SHANK1: variants seen among roughly 807,000 people sequenced by gnomAD.
SHANK1 encodes SH3 and multiple ankyrin repeat domains 1.
A neutral mutation model predicts 165.6 loss-of-function variants in SHANK1; 35 were observed. That is an observed-to-expected ratio of 0.21 (90% CI 0.16 to 0.28). The LOEUF (loss-of-function observed/expected upper bound fraction) is 0.28. Among genes scored for constraint, SHANK1 ranks in the 10% least tolerant of loss-of-function variants. SHANK1 has a pLI of 1.00. For synonymous variants in SHANK1, 1,428 were observed against 1,384.8 expected (o/e 1.03, Z -0.69); for missense variants, 2,681 against 3,036.4 (o/e 0.88, Z 2.75).
chr19:50,715,614 G>A, intron 4 of SHANK1, 45 bp downstream of exon 4: 2 of 1,566,114 alleles, frequency 1.3e-6, no homozygotes, highest in African/African-American at 1.4e-5. Context: ...GGGGGCTCCA[G>A]TGGTAGGGGG....
chr19:50,705,770 A>C (rs2088931279), intron 8 of SHANK1, among the ~76,000 whole-genome samples: 1 of 152,188 alleles, frequency 6.6e-6, no homozygotes, highest in African/African-American at 2.4e-5. Context: ...GGCGCTTGGC[A>C]CTTTAGAGGC....
At chr19:50,664,065 G>C (rs1445618799) in intron 23 of SHANK1, among the ~76,000 whole-genome samples, 3 of 148,794 alleles carry the variant, frequency 2.0e-5, no homozygotes, top group Admixed American at 6.7e-5. Context: ...TCAGCCTCCT[G>C]AGTAGCTGGG....
intron 22 of SHANK1, among the ~76,000 whole-genome samples, chr19:50,669,983 T>A (rs1167361789): frequency 1.3e-5 from 2 of 152,144 alleles, no homozygotes; most frequent in Non-Finnish European, 2.9e-5. Context: ...CTCTGACTAC[T>A]CCCTCTCAAC....
chr19:50,698,264 G>A (rs986221987), intron 12 of SHANK1, among the ~76,000 whole-genome samples: 2 of 152,146 alleles, frequency 1.3e-5, no homozygotes, highest in Non-Finnish European at 2.9e-5. Context: ...TCACAGCTCA[G>A]TTGTGTAATT....
chr19:50,713,198 C>T lies in SHANK1; in HGVS notation c.792+600G>A, dbSNP rs544769862. On this transcript the variant is annotated intron_variant, in intron 6 of 23. Coordinates refer to ENST00000293441, the MANE Select transcript of SHANK1 (RefSeq NM_016148.5). The surrounding 1 kb of genome is among the most constrained non-coding windows in gnomAD (Gnocchi z 6.2). ...TCCTGACCCTCATGTGAAGAGCAAT[C>T]AGGTGTCCTGGCGGGGGCAGGGGGA... Among the ~76,000 whole-genome samples the T allele has an allele frequency of 7.1e-4, 108 of 152,242 alleles. No homozygotes were observed. The highest frequency in any genetic ancestry group is 1.2e-3 in the South Asian group (6 of 4,816).
chr19:50,686,808 G>T lies in SHANK1; in HGVS notation c.2394C>A (p.Tyr798Ter). The change falls in exon 20 of 24, where the codon TAC becomes TAA. Residue 798 changes from tyrosine to a stop codon, truncating the protein, a stop_gained. Transcript: ENST00000293441. LOFTEE classifies it high-confidence loss of function. The surrounding 1 kb of genome is among the most constrained non-coding windows in gnomAD (Gnocchi z 5.7). The part of the protein sequence containing the change: ...SMTSELEEME[Y>*]EQQPAPVPSM... ...TGGGCACCGGCGCCGGCTGCTGCTC[G>T]TACTCTGTGGGCAAAGAACACGGAT... 1 of 1,613,710 alleles carries T rather than the reference G, an allele frequency of 6.2e-7. No individual in the cohort carries two copies. The highest frequency in any genetic ancestry group is 8.5e-7 in the Non-Finnish European group (1 of 1,179,742).
rs776315087 is a variant in SHANK1 at position 50,666,317 on chromosome 19, A to T, written c.5643T>A (p.Phe1881Leu). The T allele has an allele frequency of 6.2e-7, 1 of 1,613,500 alleles. No individual in the cohort carries two copies. Among genetic ancestry groups the T allele is most frequent in the South Asian group, 1.1e-5 (1 of 91,022 alleles). Residue 1881 changes from phenylalanine to leucine, a missense_variant, in exon 23 of 24, where the codon TTT becomes TTA. Phe to Leu is a conservative substitution (Grantham distance 22). This residue lies in a region of SHANK1 where 1,713 missense variants were observed against 1,630.2 expected (regional missense o/e 1.05). Coordinates refer to ENST00000293441, the MANE Select transcript of SHANK1 (RefSeq NM_016148.5). ...CGCCGCCAGCTGCCGAGGAGCCCCC[A>T]AACTGCTGAAGCTTGGAGCTGAGTT... Reference protein sequence around the residue: ...ISELSSKLQQFGGSSAAGGAL... With the variant: ...ISELSSKLQQLGGSSAAGGAL...
At position 50,660,597 on chromosome 19, in the gene SHANK1, A is replaced by G. The variant is rs1249763983; in HGVS notation, c.*1368T>C. ...TGCATGGAATGAGATGAGTGTGCAAAAGGAAAGAAGTGGTAGAGCTCTCAT... is the reference window on the plus strand; with the variant it reads ...TGCATGGAATGAGATGAGTGTGCAAGAGGAAAGAAGTGGTAGAGCTCTCAT... On this transcript the variant is annotated 3_prime_UTR_variant, in exon 24 of 24. Coordinates refer to ENST00000293441, the MANE Select transcript of SHANK1 (RefSeq NM_016148.5). Among the ~76,000 whole-genome samples, 1 of 151,918 alleles carries G rather than the reference A, an allele frequency of 6.6e-6. No individual in the cohort carries two copies. Among genetic ancestry groups the G allele is most frequent in the African/African-American group, 2.4e-5 (1 of 41,314 alleles).
Position 50,686,972 on chromosome 19 carries a change from G to A in SHANK1, c.2390-160C>T. ...TCAGGGAGGGGCGAGTCCGCCGGCG[G>A]GGTCGGGAGACGGGGGCCCTCCCGC... On this transcript the variant is annotated intron_variant, in intron 19 of 23. Transcript: ENST00000293441. This position sits in a 1 kb window ranked among gnomAD's most constrained non-coding sequence, Gnocchi z 5.7. 7.2e-7 allele frequency: 1 copy of A among 1,393,896 alleles called. No homozygotes were observed. Among genetic ancestry groups the A allele is most frequent in the Non-Finnish European group, 9.4e-7 (1 of 1,063,978 alleles). The allele number at this position is 1,393,896 out of a possible 1,614,324, so 86.3% of individuals were successfully genotyped here.
intron 21 of SHANK1, among the ~76,000 whole-genome samples, chr19:50,674,174 G>GT (rs375068259): frequency 7.5e-4 from 114 of 151,800 alleles, no homozygotes; most frequent in Middle Eastern, 3.4e-3. Context: ...TGAGGGTAGG[G>GT]TAGTGACTTT....
intron 15 of SHANK1, among the ~76,000 whole-genome samples, chr19:50,691,529 T>C (rs902022074): frequency 1.3e-5 from 2 of 152,088 alleles, no homozygotes; most frequent in African/African-American, 4.8e-5. Flanking sequence ...GCCAATATAG[T>C]CAATAAAACT....
At position 50,704,455 on chromosome 19, in the gene SHANK1, G is replaced by A. The variant is rs758361037; in HGVS notation, c.1137C>T (p.Asn379=). 57 of 1,613,992 alleles carry A rather than the reference G, an allele frequency of 3.5e-5. No homozygotes were observed. Among genetic ancestry groups the A allele is most frequent in the East Asian group, 1.1e-4 (5 of 44,894 alleles). ...RGADKDVKNN[N]GQTPFQVAVI... The stretch of plus-strand genomic sequence containing the variant: ...CCCAGACCTGGAAGGGGGTCTGTCC[G>A]TTGTTGTTCTTCACATCCTTGTCGG... The change falls in exon 9 of 24, where the codon AAC becomes AAT. Residue 379 remains asparagine, a synonymous_variant. Transcript: ENST00000293441.
intron 19 of SHANK1, 22 bp downstream of exon 19, chr19:50,687,560 C>T (rs777991123): frequency 1.3e-6 from 2 of 1,543,372 alleles, no homozygotes; most frequent in Admixed American, 2.0e-5. Flanking sequence ...GCCCCCTGGC[C>T]TCAGCAGCCC....
chr19:50,683,532 G>T (rs1189545483), intron 21 of SHANK1, among the ~76,000 whole-genome samples: 1 of 152,034 alleles, frequency 6.6e-6, no homozygotes, highest in African/African-American at 2.4e-5. Flanking sequence ...TCTCCATAAG[G>T]CACATCACGG....
At chr19:50,678,749 G>T (rs2123109741) in intron 21 of SHANK1, among the ~76,000 whole-genome samples, 2 of 113,344 alleles carry the variant, frequency 1.8e-5, no homozygotes, top group African/African-American at 4.0e-5. Context: ...GAGGGGTCAG[G>T]GTGATGGGGA....
intron 21 of SHANK1, among the ~76,000 whole-genome samples, chr19:50,679,490 T>G (rs73042598): frequency 0.077 from 11,746 of 152,198 alleles, 593 homozygotes; most frequent in East Asian, 0.11. Context: ...AGGGAGCACC[T>G]GAACTCCACC....
rs556392209 is a variant in SHANK1 at position 50,672,154 on chromosome 19, A to G, written c.2578-40T>C. 8.6e-5 allele frequency: 130 copies of G among 1,506,968 alleles called. 1 individual carries two copies. In the South Asian group the frequency reaches 1.4e-3, roughly 16 times the overall value. The allele number at this position is 1,506,968 out of a possible 1,614,324, so 93.3% of individuals were successfully genotyped here. A position where few individuals can be genotyped will look rare whatever the true frequency, so the allele number is the denominator to read the frequency against. On this transcript the variant is annotated intron_variant, in intron 21 of 23. Transcript: ENST00000293441. ...TCAGAGGGGGAGAGAGAGAAAAGAT[A>G]GAGAGAGATCAGTCAGCGCAGAAAG...
At chr19:50,704,896 AT>A (rs1401664920) in intron 8 of SHANK1, among the ~76,000 whole-genome samples, 1 of 151,986 alleles carries the variant, frequency 6.6e-6, no homozygotes, top group Non-Finnish European at 1.5e-5. Flanking sequence ...CTACAAAAAA[AT>A]AAACAGAAAT....
chr19:50,686,314 T>A lies in SHANK1; in HGVS notation c.2500A>T (p.Ser834Cys), dbSNP rs1310055469. The A allele has an allele frequency of 6.2e-7, 1 of 1,607,420 alleles. No homozygotes were observed. Among genetic ancestry groups the A allele is most frequent in the African/African-American group, 1.3e-5 (1 of 74,696 alleles). ...CCGGGACCAGGGCTTTCGCTTGCAC[T>A]GATGGTCTGTTGAGCTGCGGCCAGG... ...EILAAAQQTISASESPGPGGL... is the reference protein window; with the variant it reads ...EILAAAQQTICASESPGPGGL... Residue 834 changes from serine to cysteine, a missense_variant, in exon 21 of 24, where the codon AGT becomes TGT. Physicochemically the swap from Ser to Cys is moderately radical, Grantham distance 112. Around this residue, in one of 10 missense-constraint regions of SHANK1, gnomAD observed 206 missense variants for 216.0 expected, o/e 0.95. Transcript: ENST00000293441. The surrounding 1 kb of genome is among the most constrained non-coding windows in gnomAD (Gnocchi z 5.7).
Sources: gnomAD v4.1 joint callset for allele counts (sites outside exome capture counted in the v4.1 genomes callset) on GRCh38, gnomAD v4.1.1 for gene constraint, gnomAD v4.1.1 regional missense constraint, Gnocchi (gnomAD v3.1) non-coding constraint, MANE v1.5 for transcripts, NCBI Gene and HGNC (gene_info 2026-07-23, HGNC 2026-07-21) for gene names.